The following CAPN11 variants were observed in gnomAD, a reference collection of about 807,000 sequenced individuals.
CAPN11 encodes calpain 11.
CAPN11 carries 108 observed loss-of-function variants against 105.3 expected under a neutral mutation model. The ratio of observed to expected loss-of-function variants is 1.03; its 90% confidence interval spans 0.88 to 1.20. The LOEUF is 1.20. Ranked by LOEUF, CAPN11 falls within the 50% of genes most tolerant of loss-of-function variation. CAPN11 has a pLI of 0.00. For missense variants in CAPN11, 883 were observed against 924.8 expected (o/e 0.95, Z 0.59); for synonymous variants, 329 against 344.5 (o/e 0.96, Z 0.50).
At chr6:44,172,184 CG>C (rs1040126315) in intron 4 of CAPN11, 117 bp from the exon 5 acceptor site, 44 of 596,324 alleles carry the variant, frequency 7.4e-5, no homozygotes, top group South Asian at 1.1e-4. Flanking sequence ...GCCTCTCCGC[CG>C]GGGGGGTGAG....
At chr6:44,173,952 C>T (rs923750348) in intron 7 of CAPN11, among the ~76,000 whole-genome samples, 3 of 152,152 alleles carry the variant, frequency 2.0e-5, no homozygotes, top group Non-Finnish European at 2.9e-5. Context: ...AATTATCTTG[C>T]TTATCTATGT....
chr6:44,179,942 A>G lies in CAPN11; in HGVS notation c.1429-10A>G. On this transcript the variant is annotated splice_polypyrimidine_tract_variant and intron_variant, in intron 13 of 22. Coordinates refer to ENST00000398776, the MANE Select transcript of CAPN11 (RefSeq NM_007058.4). ...TGCCAGTCCTGTACCCACTTCCAGGATGCATATAGTTTCAGAACATTCAGG... is the reference window on the plus strand; with the variant it reads ...TGCCAGTCCTGTACCCACTTCCAGGGTGCATATAGTTTCAGAACATTCAGG... 1 of 1,599,118 alleles carries G rather than the reference A, an allele frequency of 6.3e-7. No individual in the cohort carries two copies. The highest frequency in any genetic ancestry group is 8.6e-7 in the Non-Finnish European group (1 of 1,166,566).
chr6:44,176,814 G>A (rs1772119474), intron 10 of CAPN11, 24 bp from the exon 11 acceptor site: 1 of 1,612,572 alleles, frequency 6.2e-7, no homozygotes, highest in South Asian at 1.1e-5. Context: ...GCTGCTGACG[G>A]GCTCCACCCC....
chr6:44,165,271 G>T lies in CAPN11; in HGVS notation c.17-1487G>T, dbSNP rs530474564. 2.1e-3 allele frequency among the ~76,000 whole-genome samples: 323 copies of T among 152,312 alleles called. 1 individual carries two copies. The highest frequency in any genetic ancestry group is 1.7e-3 in the Non-Finnish European group (119 of 68,036). ...TGTTAGAAGAAAGGGGCCAGTTGGG[G>T]AATCATTCTTTTGGCCTAGATTTTT... On this transcript the variant is annotated intron_variant, in intron 1 of 22. Coordinates refer to ENST00000398776, the MANE Select transcript of CAPN11 (RefSeq NM_007058.4).
At position 44,179,642 on chromosome 6, in the gene CAPN11, A is replaced by G. The variant is rs1398112789; in HGVS notation, c.1428+12A>G. The G allele has an allele frequency of 6.2e-7, 1 of 1,612,636 alleles. No individual in the cohort carries two copies. The highest frequency in any genetic ancestry group is 1.3e-5 in the African/African-American group (1 of 74,994). Reference sequence around the variant, plus strand: ...AGGTCCCAAAAGAGGTACAGAAGATAAAGATGTGGGGCTTGTTCCTGGACA... The same window carrying G: ...AGGTCCCAAAAGAGGTACAGAAGATGAAGATGTGGGGCTTGTTCCTGGACA... On this transcript the variant is annotated intron_variant, in intron 13 of 22. Coordinates refer to ENST00000398776, the MANE Select transcript of CAPN11 (RefSeq NM_007058.4).
At chr6:44,167,020 G>A (rs762419199) in intron 2 of CAPN11, among the ~76,000 whole-genome samples, 191 bp downstream of exon 2, 1 of 152,042 alleles carries the variant, frequency 6.6e-6, no homozygotes, top group Non-Finnish European at 1.5e-5. Context: ...CGGAGGTGTG[G>A]GCAGGATGTC....
chr6:44,176,359 T>C, intron 9 of CAPN11, 21 bp downstream of exon 9: 1 of 1,603,674 alleles, frequency 6.2e-7, no homozygotes, highest in Middle Eastern at 1.7e-4. Context: ...CCAACCCAGG[T>C]GAGGGGTGGT....
Position 44,180,935 on chromosome 6 carries a change from A to C in CAPN11, c.1807A>C (p.Lys603Gln). 2 of 1,613,452 alleles carry C rather than the reference A, an allele frequency of 1.2e-6. No individual in the cohort carries two copies. Among genetic ancestry groups the C allele is most frequent in the Non-Finnish European group, 1.7e-6 (2 of 1,179,614 alleles). ...RLLNRMAIKF[K>Q]SFKTKGFGLD... is the part of the protein sequence containing the mutation. The stretch of plus-strand genomic sequence containing the variant: ...TCTACCCCTTCCCTTCCTCACAGTC[A>C]AAAGCTTCAAGACCAAGGGCTTTGG... Residue 603 changes from lysine (K) to glutamine (Q), a missense_variant and splice_region_variant, in exon 18 of 23, where the codon AAA becomes CAA. Coordinates refer to ENST00000398776, the MANE Select transcript of CAPN11 (RefSeq NM_007058.4).
intron 18 of CAPN11, 87 bp from the exon 19 acceptor site, chr6:44,181,165 G>C: frequency 7.7e-7 from 1 of 1,303,006 alleles, no homozygotes; most frequent in Non-Finnish European, 1.1e-6. Context: ...CCCAGGGCTT[G>C]TGTGTCCCCT....
intron 4 of CAPN11, among the ~76,000 whole-genome samples, chr6:44,171,938 C>T (rs533872843): frequency 6.1e-4 from 92 of 152,042 alleles, no homozygotes; most frequent in Non-Finnish European, 8.1e-4. Context: ...GGGTGGCGGG[C>T]GCCTGTGGTC....
At chr6:44,181,421 C>A in intron 19 of CAPN11, 101 bp downstream of exon 19, 2 of 693,574 alleles carry the variant, frequency 2.9e-6, no homozygotes, top group South Asian at 1.7e-5. Flanking sequence ...CCTAACCACA[C>A]ACACACACAC....
rs1769147054 is a variant in CAPN11 at position 44,162,825 on chromosome 6, G to A, written c.17-3933G>A. Among the ~76,000 whole-genome samples, 3 of 152,114 alleles carry A rather than the reference G, an allele frequency of 2.0e-5. No homozygotes were observed. The South Asian group carries it at 6.2e-4, about 32-fold the overall frequency. ...GGGGTGCATTCACTTTGACCCCTCA[G>A]TACCAGCCCAGAATAAATTCTCCAT... is the stretch of plus-strand genomic sequence containing the variant. On this transcript the variant is annotated intron_variant, in intron 1 of 22. Coordinates refer to ENST00000398776, the MANE Select transcript of CAPN11 (RefSeq NM_007058.4).
intron 1 of CAPN11, among the ~76,000 whole-genome samples, chr6:44,162,651 G>A (rs1326751287): frequency 6.6e-6 from 1 of 152,138 alleles, no homozygotes; most frequent in Non-Finnish European, 1.5e-5. Context: ...AATAGGGAAA[G>A]GGGGATAGTC....
At chr6:44,172,821 C>A (rs202216400) in intron 5 of CAPN11, 119 bp from the exon 6 acceptor site, 1 of 1,196,956 alleles carries the variant, frequency 8.4e-7, no homozygotes, top group Non-Finnish European at 1.2e-6. Context: ...GCCTTTCCCT[C>A]TCTATTCAGT....
chr6:44,172,533 T>G, intron 5 of CAPN11, 113 bp downstream of exon 5: 1 of 666,506 alleles, frequency 1.5e-6, no homozygotes, highest in South Asian at 2.1e-5. Context: ...TAGGGTGGGT[T>G]TTGGACTAAT....
Position 44,176,344 on chromosome 6 carries a change from T to C in CAPN11, c.1001+6T>C. The stretch of plus-strand genomic sequence containing the variant: ...AATGGAGCTTGGAGTGACAGGTAGG[T>C]GTCCCCAACCCAGGTGAGGGGTGGT... On this transcript the variant is annotated splice_donor_region_variant and intron_variant, in intron 9 of 22. Coordinates refer to ENST00000398776, the MANE Select transcript of CAPN11 (RefSeq NM_007058.4). 1 of 1,612,384 alleles carries C rather than the reference T, an allele frequency of 6.2e-7. No homozygotes were observed. The highest frequency in any genetic ancestry group is 1.3e-5 in the African/African-American group (1 of 74,990).
At position 44,176,458 on chromosome 6, in the gene CAPN11, A is replaced by G. The variant is rs186428586; in HGVS notation, c.1001+120A>G. ...ACAACAGGGCAAAGCTCCTCCCTCT[A>G]GATTCTCCATCTAGCTCCGCACCCC... On this transcript the variant is annotated intron_variant, in intron 9 of 22. Coordinates refer to ENST00000398776, the MANE Select transcript of CAPN11 (RefSeq NM_007058.4). The G allele has an allele frequency of 4.6e-4, 592 of 1,284,804 alleles. 3 individuals are homozygous for G. The African/African-American group carries it at 6.2e-3, about 13-fold the overall frequency. The allele number at this position is 1,284,804 out of a possible 1,614,324, so 79.6% of individuals were successfully genotyped here.
chr6:44,181,392 G>C, intron 19 of CAPN11, 72 bp downstream of exon 19: 1 of 1,205,092 alleles, frequency 8.3e-7, no homozygotes, highest in South Asian at 1.3e-5. Flanking sequence ...AACTAATGAG[G>C]GGAAGCTAGA....
At chr6:44,183,408 C>T (rs368150462) in intron 21 of CAPN11, 173 bp downstream of exon 21, 3 of 618,298 alleles carry the variant, frequency 4.9e-6, no homozygotes, top group East Asian at 2.7e-5. Flanking sequence ...GAGCAAGTCA[C>T]TTAATCTTTC....
Sources: allele counts gnomAD v4.1 joint callset (sites outside exome capture counted in the v4.1 genomes callset), GRCh38; gene constraint gnomAD v4.1.1; transcripts MANE v1.5; gene names NCBI Gene and HGNC (gene_info 2026-07-23, HGNC 2026-07-21).